Variants in THSD7A observed in about 807,000 individuals in gnomAD.
THSD7A encodes thrombospondin type 1 domain containing 7A.
THSD7A carries 96 observed loss-of-function variants against 231.3 expected under a neutral mutation model. That is an observed-to-expected ratio of 0.41 (90% confidence interval 0.35 to 0.49). The LOEUF is 0.49. Ranked by LOEUF, THSD7A falls within the 20% of genes least tolerant of loss-of-function variation. The pLI, the probability that THSD7A is intolerant of heterozygous loss-of-function variation, is 0.05. For synonymous variants in THSD7A, 940 were observed against 743.3 expected (o/e 1.26, Z -4.30); for missense variants, 2,290 against 2,070.2 (o/e 1.11, Z -2.06).
chr7:11,546,488 A>G lies in THSD7A; in HGVS notation c.1454-3371T>C, dbSNP rs145889607. On this transcript the variant is annotated intron_variant, in intron 4 of 27. Transcript: ENST00000423059. ...GGCCACCTGAAATCACCCGGAAATGAAGCCAGTTGACTGAACCCAATTTAT... is the reference window on the plus strand; with the variant it reads ...GGCCACCTGAAATCACCCGGAAATGGAGCCAGTTGACTGAACCCAATTTAT... 1.3e-4 allele frequency among the ~76,000 whole-genome samples: 20 copies of G among 152,278 alleles called. No individual in the cohort carries two copies. In the East Asian group the frequency reaches 3.9e-3, roughly 30 times the overall value.
intron 1 of THSD7A, among the ~76,000 whole-genome samples, chr7:11,700,268 C>T (rs1780545545): frequency 1.3e-5 from 2 of 151,064 alleles, no homozygotes; most frequent in South Asian, 4.1e-4. Flanking sequence ...GGAAAATTAA[C>T]TAAATAATGT....
chr7:11,501,225 G>A (rs1032927467), intron 6 of THSD7A, among the ~76,000 whole-genome samples: 4 of 152,118 alleles, frequency 2.6e-5, no homozygotes, highest in East Asian at 1.9e-4. Flanking sequence ...AGATCATTGA[G>A]GCAGAATATC....
At chr7:11,712,856 C>G (rs1386222119) in intron 1 of THSD7A, among the ~76,000 whole-genome samples, 1 of 150,914 alleles carries the variant, frequency 6.6e-6, no homozygotes, top group Admixed American at 6.6e-5. Flanking sequence ...AAATGTAAGT[C>G]AAAGAAAAGG....
intron 14 of THSD7A, among the ~76,000 whole-genome samples, chr7:11,427,137 T>G (rs577232687): frequency 2.0e-5 from 3 of 152,154 alleles, no homozygotes; most frequent in African/African-American, 7.2e-5. Flanking sequence ...GCTAGAAAAA[T>G]AGAAACTCAG....
rs1784972974 is a variant in THSD7A, at chr7:11,446,392, A to G, written c.2801-68T>C. On this transcript the variant is annotated intron_variant, in intron 12 of 27. Coordinates refer to ENST00000423059, the MANE Select transcript of THSD7A (RefSeq NM_015204.3). This position sits in a 1 kb window ranked among gnomAD's most constrained non-coding sequence, Gnocchi z 4.0. ...CATCATTAATTTCACACATCCCTAAATTTTCTGCTTTCCTAATTTCTTTTT... is the reference window on the plus strand; with the variant it reads ...CATCATTAATTTCACACATCCCTAAGTTTTCTGCTTTCCTAATTTCTTTTT... The G allele has an allele frequency of 1.3e-6, 2 of 1,498,466 alleles. No individual in the cohort carries two copies. The highest frequency in any genetic ancestry group is 2.8e-5 in the African/African-American group (2 of 71,270). The allele number at this position is 1,498,466 out of a possible 1,614,324, so 92.8% of individuals were successfully genotyped here.
intron 1 of THSD7A, among the ~76,000 whole-genome samples, chr7:11,760,772 T>C (rs1338577678): frequency 6.6e-6 from 1 of 151,922 alleles, no homozygotes; most frequent in African/African-American, 2.4e-5. Flanking sequence ...AATAATTACT[T>C]TTAACTGAAA....
intron 2 of THSD7A, 51 bp from the exon 3 acceptor site, chr7:11,593,553 C>T: frequency 1.3e-6 from 2 of 1,588,756 alleles, no homozygotes; most frequent in Non-Finnish European, 1.7e-6. Flanking sequence ...CAGTTATGAA[C>T]TTTGTCTTCT....
At chr7:11,731,166 A>G (rs1202110999) in intron 1 of THSD7A, among the ~76,000 whole-genome samples, 1 of 151,514 alleles carries the variant, frequency 6.6e-6, no homozygotes, top group Admixed American at 6.6e-5. Flanking sequence ...TTGACAGTAA[A>G]TCCCTTATTT....
chr7:11,779,625 T>A (rs1354156526), intron 1 of THSD7A, among the ~76,000 whole-genome samples: 1 of 152,212 alleles, frequency 6.6e-6, no homozygotes, highest in Non-Finnish European at 1.5e-5. Context: ...TTATTCAATG[T>A]TAAGTTTCCT....
At chr7:11,642,811 T>TA (rs35842416) in intron 1 of THSD7A, among the ~76,000 whole-genome samples, 12 of 152,302 alleles carry the variant, frequency 7.9e-5, no homozygotes, top group African/African-American at 2.9e-4. Context: ...TTATTCCTGC[T>TA]AAAGAGGATT....
intron 13 of THSD7A, among the ~76,000 whole-genome samples, chr7:11,436,715 G>T (rs1784645765): frequency 6.6e-6 from 1 of 150,792 alleles, no homozygotes; most frequent in African/African-American, 2.4e-5. Flanking sequence ...AGATATAGAA[G>T]AAAATGCAAA....
intron 2 of THSD7A, among the ~76,000 whole-genome samples, chr7:11,623,480 A>C (rs1781382384): frequency 6.6e-6 from 1 of 151,966 alleles, no homozygotes; most frequent in Non-Finnish European, 1.5e-5. Flanking sequence ...TAAAAGAAAA[A>C]ATTGCCATGC....
intron 1 of THSD7A, among the ~76,000 whole-genome samples, chr7:11,742,007 C>T (rs1455579598): frequency 6.6e-6 from 1 of 151,888 alleles, no homozygotes; most frequent in Non-Finnish European, 1.5e-5. Flanking sequence ...TCCAAGGTTA[C>T]ACAAGGCTTA....
chr7:11,609,019 A>G (rs975507119), intron 2 of THSD7A, among the ~76,000 whole-genome samples: 11 of 152,144 alleles, frequency 7.2e-5, no homozygotes, highest in African/African-American at 2.7e-4. Flanking sequence ...CAAGTATTCT[A>G]TGTGTCATCA....
intron 4 of THSD7A, among the ~76,000 whole-genome samples, chr7:11,562,531 G>C (rs765809230): frequency 4.6e-5 from 7 of 151,694 alleles, no homozygotes; most frequent in Non-Finnish European, 8.8e-5. Flanking sequence ...TCTTAAATTA[G>C]CATTTTATTT....
chr7:11,513,239 T>A (rs2128313916), intron 6 of THSD7A, among the ~76,000 whole-genome samples: 1 of 151,338 alleles, frequency 6.6e-6, no homozygotes, highest in African/African-American at 2.4e-5. Flanking sequence ...TGCAGCAGGA[T>A]CTCACAAATC....
chr7:11,506,534 T>C (rs542857169), intron 6 of THSD7A, among the ~76,000 whole-genome samples: 1 of 152,288 alleles, frequency 6.6e-6, no homozygotes, highest in South Asian at 2.1e-4. Context: ...ATAGTTCAGA[T>C]CACAACATTC....
At chr7:11,669,951 G>C (rs907610345) in intron 1 of THSD7A, among the ~76,000 whole-genome samples, 1 of 148,244 alleles carries the variant, frequency 6.7e-6, no homozygotes, top group South Asian at 2.2e-4. Context: ...AAGTTTTCAA[G>C]TTTAAGTACT....
At chr7:11,772,823 C>G (rs2128172151) in intron 1 of THSD7A, among the ~76,000 whole-genome samples, 1 of 152,248 alleles carries the variant, frequency 6.6e-6, no homozygotes, top group Admixed American at 6.5e-5. Flanking sequence ...ATGCAACTTA[C>G]CTATGTACCA....
Sources: gnomAD v4.1 joint callset for allele counts (sites outside exome capture counted in the v4.1 genomes callset) on GRCh38, gnomAD v4.1.1 for gene constraint, Gnocchi (gnomAD v3.1) non-coding constraint, MANE v1.5 for transcripts, NCBI Gene and HGNC (gene_info 2026-07-23, HGNC 2026-07-21) for gene names.